Variants in NELL1 observed in about 807,000 individuals in gnomAD.
NELL1 encodes the protein protein kinase C-binding protein NELL1.
A neutral mutation model predicts 107.4 loss-of-function variants in NELL1; 76 were observed. The observed-to-expected ratio is 0.71, with a 90% confidence interval of 0.59 to 0.86. The LOEUF is 0.86. Among genes scored for constraint, NELL1 ranks in the 40% least tolerant of loss-of-function variants. The pLI, the probability that NELL1 is intolerant of heterozygous loss-of-function variation, is 0.00. For synonymous variants in NELL1, 353 were observed against 341.2 expected (o/e 1.03, Z -0.38); for missense variants, 1,024 against 1,005.5 (o/e 1.02, Z -0.25).
At chr11:21,085,842 G>T (rs1854378899) in intron 12 of NELL1, among the ~76,000 whole-genome samples, 1 of 152,198 alleles carries the variant, frequency 6.6e-6, no homozygotes, top group African/African-American at 2.4e-5. Flanking sequence ...AATGTAACGG[G>T]AAAGCAAAGG....
At chr11:20,967,625 A>C (rs1851412848) in intron 12 of NELL1, among the ~76,000 whole-genome samples, 1 of 152,226 alleles carries the variant, frequency 6.6e-6, no homozygotes. Flanking sequence ...TTTACCTCCA[A>C]AATTAATCAC....
intron 15 of NELL1, among the ~76,000 whole-genome samples, chr11:21,492,310 G>C (rs1446761512): frequency 6.6e-6 from 1 of 152,042 alleles, no homozygotes; most frequent in Non-Finnish European, 1.5e-5. Flanking sequence ...CTGTAAACTA[G>C]TTCAACCATT....
intron 1 of NELL1, among the ~76,000 whole-genome samples, chr11:20,676,363 C>T (rs1854057288): frequency 6.6e-6 from 1 of 152,026 alleles, no homozygotes; most frequent in Admixed American, 6.6e-5. Flanking sequence ...CCCAACCTAA[C>T]CCACAGGAAT....
At chr11:21,441,687 C>T (rs556284927) in intron 15 of NELL1, among the ~76,000 whole-genome samples, 1 of 152,156 alleles carries the variant, frequency 6.6e-6, no homozygotes, top group African/African-American at 2.4e-5. Context: ...GAGAGTTTGA[C>T]ACTTTAATTT....
chr11:21,112,322 C>T lies in NELL1; in HGVS notation c.1301-1267C>T, dbSNP rs576876544. On this transcript the variant is annotated intron_variant, in intron 12 of 19. Transcript: ENST00000357134. ...TTTTATTAGGAAATAAATCAACTTACTTTTCTTTTAAGATAAATAGATTAA... is the reference window on the plus strand; with the variant it reads ...TTTTATTAGGAAATAAATCAACTTATTTTTCTTTTAAGATAAATAGATTAA... Among the ~76,000 whole-genome samples the T allele has an allele frequency of 2.0e-4, 31 of 152,102 alleles. 1 individual carries two copies. In the South Asian group the frequency reaches 5.6e-3, roughly 27 times the overall value.
rs544436711 is a variant in NELL1, at chr11:21,087,085, C to T, written c.1301-26504C>T. Among the ~76,000 whole-genome samples, 42 of 152,210 alleles carry T rather than the reference C, an allele frequency of 2.8e-4. No individual in the cohort carries two copies. The East Asian group carries it at 7.0e-3, about 25-fold the overall frequency. On this transcript the variant is annotated intron_variant, in intron 12 of 19. Coordinates refer to ENST00000357134, the MANE Select transcript of NELL1 (RefSeq NM_006157.5). ...CGATCTCCTGACCTCGTGATCCGCA[C>T]GCCTCGGCCGCCCAAAGTGCTGGGA... is the stretch of plus-strand genomic sequence containing the variant.
intron 3 of NELL1, among the ~76,000 whole-genome samples, chr11:20,804,125 C>G: frequency 6.6e-6 from 1 of 152,034 alleles, no homozygotes; most frequent in East Asian, 1.9e-4. Context: ...TACATTGGTG[C>G]TTATAGCTAT....
At chr11:21,242,549 T>C (rs1858390567) in intron 14 of NELL1, among the ~76,000 whole-genome samples, 1 of 152,126 alleles carries the variant, frequency 6.6e-6, no homozygotes, top group Non-Finnish European at 1.5e-5. Flanking sequence ...AATAAAATGC[T>C]ACATGAATAA....
chr11:20,879,606 C>A (rs1005401580), intron 4 of NELL1, among the ~76,000 whole-genome samples: 1 of 151,774 alleles, frequency 6.6e-6, no homozygotes, highest in African/African-American at 2.4e-5. Flanking sequence ...TCAGGTGGGG[C>A]GGGGGTTTGG....
chr11:21,295,599 C>A (rs1263717433), intron 14 of NELL1, among the ~76,000 whole-genome samples: 2 of 151,910 alleles, frequency 1.3e-5, no homozygotes, highest in Non-Finnish European at 2.9e-5. Flanking sequence ...ACAGCAGTTG[C>A]GAAAAGGTGA....
chr11:21,356,249 CTACTT>C (rs1225553480), intron 14 of NELL1, among the ~76,000 whole-genome samples: 2 of 152,130 alleles, frequency 1.3e-5, no homozygotes, highest in Non-Finnish European at 1.5e-5. Context: ...GTTCTGTTAA[CTACTT>C]GAGCCCTGGT....
chr11:21,209,751 C>G (rs377464969), intron 13 of NELL1, among the ~76,000 whole-genome samples: 10 of 152,156 alleles, frequency 6.6e-5, no homozygotes, highest in African/African-American at 2.4e-4. Context: ...TTTTAAGTCA[C>G]CTAGTCCGAT....
chr11:21,245,786 T>G (rs1232151816), intron 14 of NELL1, among the ~76,000 whole-genome samples: 1 of 152,210 alleles, frequency 6.6e-6, no homozygotes, highest in Non-Finnish European at 1.5e-5. Context: ...GCTTGGCACA[T>G]AGTAGGAACT....
intron 15 of NELL1, among the ~76,000 whole-genome samples, chr11:21,396,094 A>G (rs2133790094): frequency 6.6e-6 from 1 of 151,596 alleles, no homozygotes; most frequent in South Asian, 2.1e-4. Flanking sequence ...AAATAAATGA[A>G]TTTTTGCCCC....
At chr11:21,380,479 T>C (rs902249349) in intron 15 of NELL1, among the ~76,000 whole-genome samples, 3 of 152,048 alleles carry the variant, frequency 2.0e-5, no homozygotes, top group Admixed American at 1.3e-4. Context: ...AATGTGATCA[T>C]GTTTGGAGCA....
chr11:21,102,472 G>A (rs1175691926), intron 12 of NELL1, among the ~76,000 whole-genome samples: 2 of 152,178 alleles, frequency 1.3e-5, no homozygotes, highest in African/African-American at 4.8e-5. Flanking sequence ...CTTACCTGCT[G>A]TATGACCTTA....
chr11:21,523,939 A>G (rs1855788829), intron 15 of NELL1, among the ~76,000 whole-genome samples: 1 of 152,060 alleles, frequency 6.6e-6, no homozygotes, highest in African/African-American at 2.4e-5. Context: ...ATGTATATGT[A>G]TGCATTTGTT....
intron 12 of NELL1, among the ~76,000 whole-genome samples, chr11:21,094,739 G>A (rs1854601508): frequency 1.3e-5 from 2 of 152,178 alleles, no homozygotes; most frequent in African/African-American, 4.8e-5. Context: ...GGCTGAAGAA[G>A]GCTGGGACAC....
intron 13 of NELL1, among the ~76,000 whole-genome samples, chr11:21,198,332 C>A (rs1565106485): frequency 6.6e-6 from 1 of 152,156 alleles, no homozygotes; most frequent in Admixed American, 6.5e-5. Context: ...CTGTCGGTTA[C>A]AAACACATTT....
Sources: allele counts gnomAD v4.1 joint callset (sites outside exome capture counted in the v4.1 genomes callset), GRCh38; gene constraint gnomAD v4.1.1; transcripts MANE v1.5; gene names NCBI Gene and HGNC (gene_info 2026-07-23, HGNC 2026-07-21).